Variants in PELI2 observed in about 807,000 individuals in gnomAD.
The protein encoded by PELI2 is pellino E3 ubiquitin protein ligase family member 2, also known as E3 ubiquitin-protein ligase pellino homolog 2.
PELI2 carries 23 observed loss-of-function variants against 42.3 expected under a neutral mutation model. The observed-to-expected ratio is 0.54, with a 90% CI of 0.39 to 0.77. PELI2 has a LOEUF of 0.77. PELI2 is among the 30% of genes least tolerant of loss of function. The pLI is 0.00. For synonymous variants in PELI2, 245 were observed against 212.2 expected, an observed-to-expected ratio of 1.15 and a Z score of -1.34; for missense variants, 463 against 553.2, an observed-to-expected ratio of 0.84 and a Z score of 1.64.
intron 2 of PELI2, among the ~76,000 whole-genome samples, chr14:56,249,325 A>G (rs1594682572): frequency 6.6e-6 from 1 of 152,138 alleles, no homozygotes; most frequent in South Asian, 2.1e-4. Flanking sequence ...TCCTTTACAT[A>G]TATCATGCAT....
In PELI2 at chr14:56,225,590, G is replaced by T. The variant is rs551747835; in HGVS notation, c.207+47126G>T. 3.9e-5 allele frequency among the ~76,000 whole-genome samples: 6 copies of T among 152,290 alleles called. No individual in the cohort carries two copies. The East Asian group carries it at 1.2e-3, about 29-fold the overall frequency. ...GGCAGAGCCTGGGCCATTCTACTGG[G>T]GACACGCCAAGAGGGCTGCAGTGAG... On this transcript the variant is annotated intron_variant, in intron 2 of 5. Coordinates refer to ENST00000267460, the MANE Select transcript of PELI2 (RefSeq NM_021255.3).
At chr14:56,155,776 G>T (rs1212204477) in intron 1 of PELI2, among the ~76,000 whole-genome samples, 1 of 151,840 alleles carries the variant, frequency 6.6e-6, no homozygotes, top group East Asian at 1.9e-4. Flanking sequence ...GTAGAGACGG[G>T]GTTTCATCAT....
intron 2 of PELI2, among the ~76,000 whole-genome samples, chr14:56,234,266 A>T (rs552839154): frequency 1.3e-5 from 2 of 152,360 alleles, no homozygotes; most frequent in South Asian, 4.1e-4. Flanking sequence ...TACCCAAAGG[A>T]GTATGAATCA....
At chr14:56,152,889 C>T (rs1252571663) in intron 1 of PELI2, among the ~76,000 whole-genome samples, 2 of 152,136 alleles carry the variant, frequency 1.3e-5, no homozygotes, top group African/African-American at 2.4e-5. Context: ...AGGCAATATG[C>T]ATTCTAGTTA....
chr14:56,259,895 A>G (rs1251485442), intron 2 of PELI2, among the ~76,000 whole-genome samples: 1 of 152,186 alleles, frequency 6.6e-6, no homozygotes, highest in Non-Finnish European at 1.5e-5. Flanking sequence ...TGAAATACTT[A>G]TGGATAAATT....
intron 1 of PELI2, among the ~76,000 whole-genome samples, chr14:56,125,056 G>A (rs1378624911): frequency 6.6e-6 from 1 of 152,126 alleles, no homozygotes; most frequent in African/African-American, 2.4e-5. Flanking sequence ...GGAGTTGGAA[G>A]GCACAGTGGA....
chr14:56,135,044 A>T (rs1229325552), intron 1 of PELI2, among the ~76,000 whole-genome samples: 1 of 152,210 alleles, frequency 6.6e-6, no homozygotes, highest in Non-Finnish European at 1.5e-5. Flanking sequence ...TTTAAAAATT[A>T]CGTGTATAGT....
In PELI2 at chr14:56,288,416, G is replaced by A. The variant is rs778687915; in HGVS notation, c.310-21G>A. ...CCCTGCTATTTTCCAAGTGAATCAC[G>A]AGTACATTTGATTTACTTAGGTGGG... On this transcript the variant is annotated intron_variant, in intron 3 of 5. Transcript: ENST00000267460. This position sits in a 1 kb window ranked among gnomAD's most constrained non-coding sequence, Gnocchi z 4.6. 1.9e-6 allele frequency: 3 copies of A among 1,588,172 alleles called. No homozygotes were observed. The highest frequency in any genetic ancestry group is 1.7e-4 in the Middle Eastern group (1 of 6,004).
chr14:56,209,022 T>C (rs921799175), intron 2 of PELI2, among the ~76,000 whole-genome samples: 7 of 152,178 alleles, frequency 4.6e-5, no homozygotes, highest in African/African-American at 1.7e-4. Flanking sequence ...TCTGATGAAG[T>C]TGGTGGTGAT....
chr14:56,274,868 A>G (rs902969842), intron 2 of PELI2, among the ~76,000 whole-genome samples: 5 of 152,222 alleles, frequency 3.3e-5, no homozygotes, highest in Admixed American at 1.3e-4. Context: ...AAATTCTTTA[A>G]TCTGTTTATC....
At chr14:56,261,543 T>G (rs1888715928) in intron 2 of PELI2, among the ~76,000 whole-genome samples, 2 of 152,204 alleles carry the variant, frequency 1.3e-5, no homozygotes, top group African/African-American at 4.8e-5. Flanking sequence ...ATATAAATTC[T>G]GTCCCCCAAA....
chr14:56,279,842 G>A, intron 3 of PELI2, 65 bp downstream of exon 3: 1 of 780,846 alleles, frequency 1.3e-6, no homozygotes, highest in Non-Finnish European at 2.2e-6. Flanking sequence ...TTTTTTATAT[G>A]TAATCAGATC....
At chr14:56,170,197 A>G (rs1242927935) in intron 1 of PELI2, among the ~76,000 whole-genome samples, 1 of 152,192 alleles carries the variant, frequency 6.6e-6, no homozygotes, top group Non-Finnish European at 1.5e-5. Flanking sequence ...TCAGCCTGTA[A>G]TGAAGAGCTG....
chr14:56,275,701 G>C (rs546140236), intron 2 of PELI2, among the ~76,000 whole-genome samples: 2 of 152,180 alleles, frequency 1.3e-5, no homozygotes, highest in Admixed American at 6.5e-5. Context: ...TCGCTTGCTC[G>C]TCTGCCACTC....
At position 56,287,692 on chromosome 14, in the gene PELI2, C is replaced by T. The variant is rs141282207; in HGVS notation, c.310-745C>T. On this transcript the variant is annotated intron_variant, in intron 3 of 5. Transcript: ENST00000267460. ...AAAGAAAATAGATGTCTGTGGTCTGCTGGTTTTAGAGAGATAGTCTGTGCA... is the reference window on the plus strand; with the variant it reads ...AAAGAAAATAGATGTCTGTGGTCTGTTGGTTTTAGAGAGATAGTCTGTGCA... Among the ~76,000 whole-genome samples, 1,161 of 152,170 alleles carry T rather than the reference C, an allele frequency of 7.6e-3. 14 individuals carry two copies. The highest frequency in any genetic ancestry group is 0.026 in the African/African-American group (1,077 of 41,510).
chr14:56,195,858 G>A (rs946660282), intron 2 of PELI2, among the ~76,000 whole-genome samples: 6 of 152,300 alleles, frequency 3.9e-5, no homozygotes, highest in Admixed American at 2.0e-4. Context: ...GCACATGTGC[G>A]CAAGCCGTGA....
intron 1 of PELI2, among the ~76,000 whole-genome samples, chr14:56,145,892 GAAGT>G (rs1344557548): frequency 6.6e-6 from 1 of 152,162 alleles, no homozygotes; most frequent in Non-Finnish European, 1.5e-5. Flanking sequence ...TAATATTACT[GAAGT>G]ATGTAGAAAC....
chr14:56,183,532 T>TA (rs1489235146), intron 2 of PELI2, among the ~76,000 whole-genome samples: 1 of 152,202 alleles, frequency 6.6e-6, no homozygotes, highest in African/African-American at 2.4e-5. Flanking sequence ...GAATTGTTTT[T>TA]ATGTGAATGT....
chr14:56,164,944 C>G (rs921530585), intron 1 of PELI2, among the ~76,000 whole-genome samples: 1 of 149,190 alleles, frequency 6.7e-6, no homozygotes, highest in Non-Finnish European at 1.5e-5. Flanking sequence ...CTTAGTGTGG[C>G]TAAAGGTTTG....
Sources: gnomAD v4.1 joint callset for allele counts (sites outside exome capture counted in the v4.1 genomes callset) on GRCh38, gnomAD v4.1.1 for gene constraint, Gnocchi (gnomAD v3.1) non-coding constraint, MANE v1.5 for transcripts, NCBI Gene and HGNC (gene_info 2026-07-23, HGNC 2026-07-21) for gene names.